JAKMIP3: variants seen among roughly 807,000 people sequenced by gnomAD.
JAKMIP3 encodes the protein Janus kinase and microtubule interacting protein 3.
A neutral mutation model predicts 118.5 loss-of-function variants in JAKMIP3; 58 were observed. The observed-to-expected ratio is 0.49, with a 90% confidence interval of 0.40 to 0.61. The LOEUF (loss-of-function observed/expected upper bound fraction) is 0.61. JAKMIP3 is among the 20% of genes least tolerant of loss of function. The pLI is 0.00. For synonymous variants in JAKMIP3, 486 were observed against 451.2 expected (o/e 1.08, Z -0.98); for missense variants, 950 against 1,109.0 (o/e 0.86, Z 2.04).
chr10:132,082,484 T>G (rs2041900212), intron 1 of JAKMIP3, among the ~76,000 whole-genome samples: 1 of 152,150 alleles, frequency 6.6e-6, no homozygotes, highest in African/African-American at 2.4e-5. Flanking sequence ...TGATGTTTGG[T>G]TTTCCATTCC....
chr10:132,126,684 A>AT (rs1239291353), intron 3 of JAKMIP3, among the ~76,000 whole-genome samples: 11 of 152,102 alleles, frequency 7.2e-5, no homozygotes, highest in South Asian at 2.1e-4. Context: ...TTTGCTAAGC[A>AT]TTTTTTTCAT....
chr10:132,143,123 C>T (rs1488732284), intron 11 of JAKMIP3, among the ~76,000 whole-genome samples: 2 of 152,030 alleles, frequency 1.3e-5, no homozygotes, highest in African/African-American at 4.8e-5. Flanking sequence ...CCCCTCTGTG[C>T]CCTCCTCCTG....
chr10:132,089,001 A>C (rs1441970613), intron 1 of JAKMIP3, among the ~76,000 whole-genome samples: 3 of 152,206 alleles, frequency 2.0e-5, no homozygotes, highest in Admixed American at 2.0e-4. Context: ...CAGGTTTGTC[A>C]AAGATCAGAT....
At chr10:132,072,280 C>T (rs896384434) in intron 1 of JAKMIP3, among the ~76,000 whole-genome samples, 12 of 152,226 alleles carry the variant, frequency 7.9e-5, no homozygotes, top group African/African-American at 2.4e-4. Flanking sequence ...TGCTGTGGCT[C>T]ATGCCTGTAA....
Position 132,168,228 on chromosome 10 carries a change from C to T in JAKMIP3, c.*298C>T, listed in dbSNP as rs2059147183. The T allele has an allele frequency of 7.8e-7, 1 of 1,289,162 alleles. No homozygotes were observed. The highest frequency in any genetic ancestry group is 1.0e-6 in the Non-Finnish European group (1 of 988,682). 79.9% of individuals were successfully genotyped at this position (1,289,162 alleles called of 1,614,324 possible). A position where few individuals can be genotyped will look rare whatever the true frequency, so the allele number is the denominator to read the frequency against. The stretch of plus-strand genomic sequence containing the variant: ...TGGGTCCCTTCTCCCGGACGGCAGC[C>T]CCCATCCCATTTCCAGGGATGTGTA... On this transcript the variant is annotated 3_prime_UTR_variant, in exon 23 of 24. Transcript: ENST00000684848.
intron 23 of JAKMIP3, among the ~76,000 whole-genome samples, chr10:132,180,624 T>TGTGTGC (rs1554962984): frequency 4.4e-4 from 8 of 18,094 alleles, no homozygotes; most frequent in Admixed American, 2.1e-3. Flanking sequence ...TGCGTGTGTG[T>TGTGTGC]GCGTGTGTGC....
chr10:132,165,311 G>A (rs570530209), intron 21 of JAKMIP3, among the ~76,000 whole-genome samples: 8 of 152,260 alleles, frequency 5.3e-5, no homozygotes, highest in East Asian at 1.9e-4. Context: ...AGGATGAGGG[G>A]AGCACAGCAG....
At chr10:132,180,716 TGTGCGTGTGTGTGCGTGTGTGC>T (rs2061136950) in intron 23 of JAKMIP3, among the ~76,000 whole-genome samples, 2 of 25,162 alleles carry the variant, frequency 7.9e-5, no homozygotes, top group Middle Eastern at 0.018. Context: ...TGCGCGTGTG[TGTGCGTGTGTGTGCGTGTGTGC>T]GTGCGTGCGC....
chr10:132,180,678 C>CGT (rs1323173621), intron 23 of JAKMIP3, among the ~76,000 whole-genome samples: 1 of 9,558 alleles, frequency 1.0e-4, no homozygotes, highest in African/African-American at 6.3e-4. Context: ...TGTGTGTGCG[C>CGT]GCGCGTGTGT....
intron 20 of JAKMIP3, among the ~76,000 whole-genome samples, chr10:132,163,621 A>G (rs2058599347): frequency 6.8e-6 from 1 of 147,898 alleles, no homozygotes; most frequent in African/African-American, 2.5e-5. Flanking sequence ...AGAGCCTTGG[A>G]TGGCCACACC....
chr10:132,079,529 A>G (rs1462567991), intron 1 of JAKMIP3, among the ~76,000 whole-genome samples: 1 of 152,228 alleles, frequency 6.6e-6, no homozygotes, highest in Non-Finnish European at 1.5e-5. Flanking sequence ...GACACTATTT[A>G]CATATAAAAG....
At chr10:132,131,148 G>A (rs933946858) in intron 3 of JAKMIP3, among the ~76,000 whole-genome samples, 1 of 151,930 alleles carries the variant, frequency 6.6e-6, no homozygotes, top group Non-Finnish European at 1.5e-5. Context: ...GGTCCTGGTG[G>A]GTGGGGAAGG....
chr10:132,113,779 A>C (rs10870259), intron 2 of JAKMIP3, among the ~76,000 whole-genome samples: 36,602 of 152,156 alleles, frequency 0.24, 4,505 homozygotes, highest in African/African-American at 0.29. Context: ...TGGCACATGA[A>C]GTAAGCAGGG....
chr10:132,180,598 CGTGCGCGTGTGTGTGTGCGTGTGTGT>C (rs2060838061), intron 23 of JAKMIP3, among the ~76,000 whole-genome samples: 1 of 7,370 alleles, frequency 1.4e-4, no homozygotes, highest in Non-Finnish European at 2.7e-4. Context: ...TGTGTGTGTG[CGTGCGCGTGTGTGTGTGCGTGTGTGT>C]GCGTGTGTGC....
In JAKMIP3 at chr10:132,149,566, CCCCCTCTCCGCCCCCGCCCCA is replaced by C. The variant is rs1564965249; in HGVS notation, c.1947+61_1947+81del. 7.9e-4 allele frequency: 549 copies of C among 696,370 alleles called. 15 individuals carry two copies. Among genetic ancestry groups the C allele is most frequent in the Non-Finnish European group, 1.0e-3 (479 of 470,994 alleles). 43.1% of individuals were successfully genotyped at this position (696,370 alleles called of 1,614,324 possible). On this transcript the variant is annotated intron_variant, in intron 15 of 23. Transcript: ENST00000684848. ...CCCACCTCACCCATCCCCCGCCCCA[CCCCCTCTCCGCCCCCGCCCCA>C]CCCCCCTCCGCCCCCGCCCCACCCC...
intron 23 of JAKMIP3, among the ~76,000 whole-genome samples, chr10:132,180,616 C>T (rs202128752): frequency 0.011 from 162 of 14,598 alleles, 42 homozygotes; most frequent in African/African-American, 0.053. Flanking sequence ...TGTGTGTGTG[C>T]GTGTGTGTGC....
intron 1 of JAKMIP3, among the ~76,000 whole-genome samples, chr10:132,067,616 CGTGTGT>C (rs1323726787): frequency 2.8e-5 from 1 of 35,752 alleles, no homozygotes; most frequent in African/African-American, 8.8e-5. Context: ...TGTGGGCTTC[CGTGTGT>C]ACTGTGGGCT....
chr10:132,060,211 AAGAG>A (rs1364385410), upstream of JAKMIP3, among the ~76,000 whole-genome samples: 1 of 152,262 alleles, frequency 6.6e-6, no homozygotes, highest in Non-Finnish European at 1.5e-5. Context: ...GGGGACTTTG[AAGAG>A]CTAGGTCTTT....
At position 132,168,278 on chromosome 10, in the gene JAKMIP3, G is replaced by T; in HGVS notation, c.*348G>T. On this transcript the variant is annotated 3_prime_UTR_variant, in exon 23 of 24. Coordinates refer to ENST00000684848, the MANE Select transcript of JAKMIP3 (RefSeq NM_001323087.2). Reference sequence around the variant, plus strand: ...AGCATTCCCTGCCAAGCAGGGGTGAGAACTGCTTCTGTGCAGAAGCACCAG... The same window carrying T: ...AGCATTCCCTGCCAAGCAGGGGTGATAACTGCTTCTGTGCAGAAGCACCAG... 7.8e-7 allele frequency: 1 copy of T among 1,289,448 alleles called. No homozygotes were observed. The highest frequency in any genetic ancestry group is 1.0e-6 in the Non-Finnish European group (1 of 988,778). 79.9% of individuals were successfully genotyped at this position (1,289,448 alleles called of 1,614,324 possible).
Sources: gnomAD v4.1 joint callset for allele counts (sites outside exome capture counted in the v4.1 genomes callset) on GRCh38, gnomAD v4.1.1 for gene constraint, MANE v1.5 for transcripts, NCBI Gene and HGNC (gene_info 2026-07-23, HGNC 2026-07-21) for gene names.